The following CCZ1B variants were observed in gnomAD, a reference collection of about 807,000 sequenced individuals.
The protein encoded by CCZ1B is vacuolar fusion protein CCZ1 homolog B.
CCZ1B carries 25 observed loss-of-function variants against 58.8 expected under a neutral mutation model. The ratio of observed to expected loss-of-function variants is 0.43; its 90% confidence interval spans 0.31 to 0.59. CCZ1B has a LOEUF of 0.59. Ranked by LOEUF, CCZ1B falls within the 20% of genes least tolerant of loss-of-function variation. The pLI, the probability that CCZ1B is intolerant of heterozygous loss-of-function variation, is 0.12. For missense variants in CCZ1B, 180 were observed against 501.5 expected (o/e 0.36, Z 6.12); for synonymous variants, 66 against 173.2 (o/e 0.38, Z 4.86).
intron 7 of CCZ1B, among the ~76,000 whole-genome samples, chr7:6,817,881 G>A (rs1347253505): frequency 6.1e-5 from 9 of 148,324 alleles, no homozygotes; most frequent in African/African-American, 2.3e-4. Flanking sequence ...GTACTCACCT[G>A]TAATCCCAGC....
rs1189119369 is a variant in CCZ1B at position 6,812,888 on chromosome 7, C to T, written c.842+88G>A. On this transcript the variant is annotated intron_variant, in intron 9 of 14. Coordinates refer to ENST00000316731, the MANE Select transcript of CCZ1B (RefSeq NM_198097.5). The stretch of plus-strand genomic sequence containing the variant: ...GTTGCAGTGAGCGGAGATCTTGCCA[C>T]TGCTCTCCAGCCTGGGTAACAGAGC... The T allele has an allele frequency of 1.9e-5, 30 of 1,546,802 alleles. 1 individual carries two copies. The highest frequency in any genetic ancestry group is 2.6e-5 in the Non-Finnish European group (30 of 1,145,616).
chr7:6,816,363 C>A (rs1277298672), intron 7 of CCZ1B, among the ~76,000 whole-genome samples: 1 of 148,828 alleles, frequency 6.7e-6, no homozygotes, highest in Non-Finnish European at 1.5e-5. Flanking sequence ...CACCTCTAAT[C>A]CCAGCTACTT....
chr7:6,818,675 AAGAAAGAAAGAAAGAAAG>A (rs1562431428), intron 7 of CCZ1B, among the ~76,000 whole-genome samples: 3 of 79,434 alleles, frequency 3.8e-5, no homozygotes, highest in Non-Finnish European at 7.8e-5. Flanking sequence ...GACAGAAAGA[AAGAAAGAAAGAAAGAAAG>A]ACAAGAAAGA....
At chr7:6,820,556 T>C (rs1171668853) in intron 6 of CCZ1B, among the ~76,000 whole-genome samples, 1 of 148,586 alleles carries the variant, frequency 6.7e-6, no homozygotes, top group Non-Finnish European at 1.5e-5. Context: ...GCCTCCGTGA[T>C]TCTCGTGTCT....
At chr7:6,822,670 G>A (rs1260325626) in intron 5 of CCZ1B, among the ~76,000 whole-genome samples, 5 of 141,166 alleles carry the variant, frequency 3.5e-5, no homozygotes, top group Admixed American at 1.4e-4. Flanking sequence ...ATTTTTCAGT[G>A]TTCTGTTAAT....
chr7:6,815,387 T>A (rs1306623071), intron 7 of CCZ1B, among the ~76,000 whole-genome samples: 4 of 149,548 alleles, frequency 2.7e-5, no homozygotes, highest in Admixed American at 6.6e-5. Context: ...GGTTTCGAAC[T>A]CCTGGACTCA....
At position 6,822,499 on chromosome 7, in the gene CCZ1B, T is replaced by C; in HGVS notation, c.439-135A>G. The C allele has an allele frequency of 1.4e-6, 2 of 1,384,968 alleles. 1 individual carries two copies. Among genetic ancestry groups the C allele is most frequent in the Non-Finnish European group, 1.9e-6 (2 of 1,047,662 alleles). 85.8% of individuals were successfully genotyped at this position (1,384,968 alleles called of 1,614,324 possible). A position where few individuals can be genotyped will look rare whatever the true frequency, so the allele number is the denominator to read the frequency against. On this transcript the variant is annotated intron_variant, in intron 5 of 14. Coordinates refer to ENST00000316731, the MANE Select transcript of CCZ1B (RefSeq NM_198097.5). ...CCAGTTCTTTCCAACAGAGAATATTTACGTGAGAAAACTTGAGTTAAAAAT... is the reference window on the plus strand; with the variant it reads ...CCAGTTCTTTCCAACAGAGAATATTCACGTGAGAAAACTTGAGTTAAAAAT...
Position 6,825,641 on chromosome 7 carries a change from CCACACA to C in CCZ1B, c.120+431_120+436del, listed in dbSNP as rs376938545. ...AGTCGCCGTCCCCACCTCAGAAAAA[CCACACA>C]CACACACACACACACACCCCTCCCG... is the stretch of plus-strand genomic sequence containing the variant. On this transcript the variant is annotated intron_variant, in intron 1 of 14. Coordinates refer to ENST00000316731, the MANE Select transcript of CCZ1B (RefSeq NM_198097.5). Among the ~76,000 whole-genome samples the C allele has an allele frequency of 8.0e-4, 70 of 87,302 alleles. 1 individual carries two copies. The highest frequency in any genetic ancestry group is 3.1e-3 in the African/African-American group (66 of 21,196). The allele number at this position is 87,302 out of a possible 152,430, so 57.3% of individuals were successfully genotyped here. A position where few individuals can be genotyped will look rare whatever the true frequency, so the allele number is the denominator to read the frequency against.
intron 8 of CCZ1B, 122 bp from the exon 9 acceptor site, chr7:6,813,159 G>C: frequency 7.2e-7 from 1 of 1,396,340 alleles, no homozygotes; most frequent in Non-Finnish European, 9.9e-7. Context: ...TTAGAGACAG[G>C]ATCTTGTTCT....
At chr7:6,818,695 CAAGAAAGAAAGA>C (rs1191794870) in intron 7 of CCZ1B, among the ~76,000 whole-genome samples, 1 of 59,466 alleles carries the variant, frequency 1.7e-5, no homozygotes, top group African/African-American at 8.5e-5. Flanking sequence ...GAAAGAAAGA[CAAGAAAGAAAGA>C]AAGACAAGAA....
chr7:6,814,362 T>C (rs139668253), intron 8 of CCZ1B, among the ~76,000 whole-genome samples: 29,096 of 147,360 alleles, frequency 0.2, 3,134 homozygotes, highest in South Asian at 0.35. Flanking sequence ...TAGTGAAACC[T>C]GTCTCTACTA....
rs7789081 is a variant in CCZ1B, at chr7:6,823,047, T to A, written c.438+266A>T. 2.5e-4 allele frequency among the ~76,000 whole-genome samples: 36 copies of A among 146,236 alleles called. 1 individual carries two copies. The highest frequency in any genetic ancestry group is 2.3e-3 in the Admixed American group (33 of 14,608). On this transcript the variant is annotated intron_variant, in intron 5 of 14. Coordinates refer to ENST00000316731, the MANE Select transcript of CCZ1B (RefSeq NM_198097.5). ...ATCATAAAATTATCTGCATTCTGTATGTTCCTTGAGCACATAGATACACTT... is the reference window on the plus strand; with the variant it reads ...ATCATAAAATTATCTGCATTCTGTAAGTTCCTTGAGCACATAGATACACTT...
intron 9 of CCZ1B, chr7:6,812,359 G>A: frequency 2.6e-6 from 1 of 379,764 alleles, no homozygotes; most frequent in South Asian, 2.3e-5. Context: ...TCTGGTGGTG[G>A]GCACCTGCAA....
At chr7:6,818,181 G>C (rs1398982925) in intron 7 of CCZ1B, among the ~76,000 whole-genome samples, 2 of 149,632 alleles carry the variant, frequency 1.3e-5, no homozygotes, top group Non-Finnish European at 3.0e-5. Flanking sequence ...GTAAATTTTA[G>C]GGGAACTAGT....
At chr7:6,813,076 T>C (rs778117663) in intron 8 of CCZ1B, 39 bp from the exon 9 acceptor site, 1 of 1,395,910 alleles carries the variant, frequency 7.2e-7, no homozygotes, top group African/African-American at 1.5e-5. Context: ...CTTATCAGAC[T>C]TTTTATTTAT....
At chr7:6,821,507 T>C (rs1783109919) in intron 6 of CCZ1B, among the ~76,000 whole-genome samples, 1 of 152,302 alleles carries the variant, frequency 6.6e-6, no homozygotes, top group Admixed American at 6.5e-5. Flanking sequence ...AATTCAAAAA[T>C]AGCTATGAAA....
chr7:6,801,835 A>G (rs1401645195), intron 12 of CCZ1B, among the ~76,000 whole-genome samples: 2 of 105,238 alleles, frequency 1.9e-5, no homozygotes, highest in Non-Finnish European at 4.0e-5. Context: ...TGGCCTCCCA[A>G]AGTGCAGGGA....
Position 6,801,086 on chromosome 7 carries a change from A to T in CCZ1B, c.1266-11T>A. 1.5e-6 allele frequency: 2 copies of T among 1,346,216 alleles called. No individual in the cohort carries two copies. Among genetic ancestry groups the T allele is most frequent in the Non-Finnish European group, 1.9e-6 (2 of 1,034,416 alleles). The allele number at this position is 1,346,216 out of a possible 1,614,324, so 83.4% of individuals were successfully genotyped here. ...TCATCTTCATCCACTCTGCAAGACG[A>T]GGGTCAAAATGCAATTGTTCGTTAC... On this transcript the variant is annotated splice_polypyrimidine_tract_variant and intron_variant, in intron 13 of 14. Coordinates refer to ENST00000316731, the MANE Select transcript of CCZ1B (RefSeq NM_198097.5).
intron 6 of CCZ1B, among the ~76,000 whole-genome samples, chr7:6,821,588 T>C (rs1783111386): frequency 6.6e-6 from 1 of 151,668 alleles, no homozygotes; most frequent in African/African-American, 2.4e-5. Context: ...TTGAGAATTG[T>C]TGCTTCAAGA....
Sources: gnomAD v4.1 joint callset for allele counts (sites outside exome capture counted in the v4.1 genomes callset) on GRCh38, gnomAD v4.1.1 for gene constraint, MANE v1.5 for transcripts, NCBI Gene and HGNC (gene_info 2026-07-23, HGNC 2026-07-21) for gene names.